The following OXCT1 variants were observed in gnomAD, a reference collection of about 807,000 sequenced individuals.
The protein encoded by OXCT1 is 3-oxoacid CoA-transferase 1.
OXCT1 carries 27 observed loss-of-function variants against 69.6 expected under a neutral mutation model. The ratio of observed to expected loss-of-function variants is 0.39; its 90% CI spans 0.29 to 0.54. The LOEUF is 0.54. Among genes scored for constraint, OXCT1 ranks in the 20% least tolerant of loss-of-function variants. The probability of loss-of-function intolerance (pLI) is 0.72; values close to 1 mark genes in which losing one functional copy is unlikely to be tolerated. For synonymous variants in OXCT1, 202 were observed against 217.8 expected (o/e 0.93, Z 0.64); for missense variants, 437 against 650.2 (o/e 0.67, Z 3.57).
chr5:41,815,708 A>C (rs1299340281), intron 7 of OXCT1, among the ~76,000 whole-genome samples: 2 of 152,210 alleles, frequency 1.3e-5, no homozygotes, highest in Non-Finnish European at 2.9e-5. Flanking sequence ...TATCTATAAT[A>C]GTTTTTAAAA....
At chr5:41,805,536 CTT>C (rs771557463) in intron 9 of OXCT1, 29 bp downstream of exon 9, 12 of 1,465,814 alleles carry the variant, frequency 8.2e-6, no homozygotes, top group African/African-American at 1.4e-5. Flanking sequence ...AAGGCTATGT[CTT>C]TGCCCGGGCT....
Position 41,731,649 on chromosome 5 carries a change from T to C in OXCT1, c.*80A>G. ...AAAAAACCACCTGTTAAATACACAATTATGATTATTGATGTCCTTTCAATT... is the reference window on the plus strand; with the variant it reads ...AAAAAACCACCTGTTAAATACACAACTATGATTATTGATGTCCTTTCAATT... On this transcript the variant is annotated 3_prime_UTR_variant, in exon 17 of 17. Coordinates refer to ENST00000196371, the MANE Select transcript of OXCT1 (RefSeq NM_000436.4). 1.3e-6 allele frequency: 2 copies of C among 1,536,940 alleles called. No individual in the cohort carries two copies.
intron 15 of OXCT1, among the ~76,000 whole-genome samples, chr5:41,740,787 G>A (rs905433748): frequency 1.3e-5 from 2 of 152,184 alleles, no homozygotes; most frequent in South Asian, 2.1e-4. Flanking sequence ...TTCTCCTATG[G>A]CTTTAGCTCC....
At chr5:41,833,976 C>T (rs1748225771) in intron 7 of OXCT1, among the ~76,000 whole-genome samples, 1 of 151,670 alleles carries the variant, frequency 6.6e-6, no homozygotes, top group Admixed American at 6.6e-5. Flanking sequence ...CCACTGTACT[C>T]CAGCCTGGGC....
At position 41,831,433 on chromosome 5, in the gene OXCT1, T is replaced by C. The variant is rs147566408; in HGVS notation, c.732+9018A>G. On this transcript the variant is annotated intron_variant, in intron 7 of 16. Coordinates refer to ENST00000196371, the MANE Select transcript of OXCT1 (RefSeq NM_000436.4). ...TTTCCCTGAAATATCAGGTCCCTTT[T>C]CATGCTTTGTTTTTCCTCCCTTAAC... is the stretch of plus-strand genomic sequence containing the variant. 6.3e-3 allele frequency among the ~76,000 whole-genome samples: 954 copies of C among 152,306 alleles called. 3 individuals are homozygous for C. Among genetic ancestry groups the C allele is most frequent in the Non-Finnish European group, 0.01 (687 of 68,026 alleles).
chr5:41,828,436 T>A (rs1427756933), intron 7 of OXCT1, among the ~76,000 whole-genome samples: 1 of 152,052 alleles, frequency 6.6e-6, no homozygotes, highest in African/African-American at 2.4e-5. Context: ...GCTACACATT[T>A]CTATACATGA....
intron 13 of OXCT1, among the ~76,000 whole-genome samples, chr5:41,786,092 A>AG (rs2112199222): frequency 6.6e-6 from 1 of 152,318 alleles, no homozygotes; most frequent in Admixed American, 6.5e-5. Flanking sequence ...TAGCCCAGGA[A>AG]GAGGGACTCC....
In OXCT1 at chr5:41,803,093, T is replaced by C. The variant is rs1260995595; in HGVS notation, c.1026A>G (p.Gln342=). ...CCAAACCCAGAACTCCATTTTCACT[T>C]TGAAGATGAACAGTTATATTTGGGC... is the stretch of plus-strand genomic sequence containing the variant. The part of the protein sequence containing the change: ...FISPNITVHL[Q]SENGVLGLGP... Residue 342 remains glutamine, a synonymous_variant, in exon 10 of 17, where the codon CAA becomes CAG. Coordinates refer to ENST00000196371, the MANE Select transcript of OXCT1 (RefSeq NM_000436.4). 4 of 1,611,364 alleles carry C rather than the reference T, an allele frequency of 2.5e-6. No homozygotes were observed. In the Admixed American group the frequency reaches 5.0e-5, roughly 20 times the overall value.
intron 12 of OXCT1, 42 bp downstream of exon 12, chr5:41,794,635 T>C (rs781516884): frequency 6.4e-7 from 1 of 1,562,106 alleles, no homozygotes; most frequent in Non-Finnish European, 8.8e-7. Context: ...ACTCAGCTCA[T>C]TCCATACTGT....
intron 16 of OXCT1, among the ~76,000 whole-genome samples, chr5:41,733,204 T>A (rs1742720946): frequency 6.6e-6 from 1 of 152,144 alleles, no homozygotes; most frequent in Admixed American, 6.5e-5. Flanking sequence ...TCTTTCTTTT[T>A]TTTAAACAAC....
chr5:41,809,262 A>G (rs1011278076), intron 7 of OXCT1, among the ~76,000 whole-genome samples: 1 of 152,068 alleles, frequency 6.6e-6, no homozygotes, highest in Non-Finnish European at 1.5e-5. Context: ...TTTTCCTTTT[A>G]CTTTTATAAT....
At chr5:41,771,075 T>C (rs1297195447) in intron 13 of OXCT1, among the ~76,000 whole-genome samples, 1 of 152,180 alleles carries the variant, frequency 6.6e-6, no homozygotes, top group East Asian at 1.9e-4. Context: ...AACCACTTTA[T>C]GCAGGTTAGA....
intron 7 of OXCT1, among the ~76,000 whole-genome samples, chr5:41,829,936 T>A (rs963172130): frequency 1.3e-5 from 2 of 152,228 alleles, no homozygotes; most frequent in African/African-American, 4.8e-5. Flanking sequence ...ATGAATTGTC[T>A]TTAAATACTT....
At chr5:41,802,305 A>T (rs781342732) in intron 10 of OXCT1, among the ~76,000 whole-genome samples, 42 of 152,206 alleles carry the variant, frequency 2.8e-4, no homozygotes, top group Admixed American at 9.8e-4. Flanking sequence ...ATTAACAGTT[A>T]TTATCTACTG....
intron 13 of OXCT1, among the ~76,000 whole-genome samples, chr5:41,790,417 T>C (rs1432133975): frequency 2.0e-5 from 3 of 152,216 alleles, no homozygotes; most frequent in African/African-American, 7.2e-5. Context: ...AACTACTGTT[T>C]TGTCAAGTTT....
At chr5:41,862,415 T>C (rs149976789) in intron 2 of OXCT1, among the ~76,000 whole-genome samples, 325 of 152,032 alleles carry the variant, frequency 2.1e-3, no homozygotes, top group African/African-American at 7.5e-3. Flanking sequence ...CAAATACACA[T>C]ACACACACAC....
At chr5:41,790,511 T>C (rs1299069274) in intron 13 of OXCT1, among the ~76,000 whole-genome samples, 1 of 152,196 alleles carries the variant, frequency 6.6e-6, no homozygotes, top group African/African-American at 2.4e-5. Flanking sequence ...TATTAAACGG[T>C]AAGACAAATA....
intron 13 of OXCT1, among the ~76,000 whole-genome samples, chr5:41,775,184 C>A (rs1370175949): frequency 6.6e-6 from 1 of 152,108 alleles, no homozygotes; most frequent in Non-Finnish European, 1.5e-5. Flanking sequence ...ACCCTAACTA[C>A]CTGGAATTAG....
rs1744384091 is a variant in OXCT1, at chr5:41,762,200, C to G, written c.1249G>C (p.Gly417Arg). ...YGDLANWMIP[G>R]KMVKGMGGAM... ...CCTCCCATTCCTTTCACCATCTTCCCCTGCAAAACAAAAAATAAATAGCTC... is the reference window on the plus strand; with the variant it reads ...CCTCCCATTCCTTTCACCATCTTCCGCTGCAAAACAAAAAATAAATAGCTC... Residue 417 changes from glycine to arginine, a missense_variant and splice_region_variant, in exon 14 of 17, where the codon GGG (glycine) becomes CGG (arginine). Physicochemically the swap from Gly to Arg is moderately radical, Grantham distance 125. This residue lies in a region of OXCT1 where 102 missense variants were observed against 162.1 expected (regional missense o/e 0.63). Coordinates refer to ENST00000196371, the MANE Select transcript of OXCT1 (RefSeq NM_000436.4). This position sits in a 1 kb window ranked among gnomAD's most constrained non-coding sequence, Gnocchi z 4.0. The G allele has an allele frequency of 6.2e-7, 1 of 1,610,538 alleles. No homozygotes were observed.
Sources: allele counts gnomAD v4.1 joint callset (sites outside exome capture counted in the v4.1 genomes callset), GRCh38; gene constraint gnomAD v4.1.1; regional missense constraint gnomAD v4.1.1; non-coding constraint Gnocchi (gnomAD v3.1); transcripts MANE v1.5; gene names NCBI Gene and HGNC (gene_info 2026-07-23, HGNC 2026-07-21).